Variants in SBNO2 observed in about 807,000 individuals in gnomAD.
SBNO2 encodes strawberry notch homolog 2.
A neutral mutation model predicts 146.3 loss-of-function variants in SBNO2; 89 were observed. The observed-to-expected ratio is 0.61, with a 90% confidence interval of 0.51 to 0.73. The LOEUF (loss-of-function observed/expected upper bound fraction) is 0.73. Ranked by LOEUF, SBNO2 falls within the 30% of genes least tolerant of loss-of-function variation. The pLI, the probability that SBNO2 is intolerant of heterozygous loss-of-function variation, is 0.00. For synonymous variants in SBNO2, 1,147 were observed against 892.6 expected, an observed-to-expected ratio of 1.29 and a Z score of -5.08; for missense variants, 2,092 against 2,003.7, an observed-to-expected ratio of 1.04 and a Z score of -0.84.
intron 1 of SBNO2, among the ~76,000 whole-genome samples, chr19:1,156,104 C>T (rs1244220020): frequency 2.0e-5 from 3 of 152,108 alleles, no homozygotes; most frequent in Admixed American, 2.0e-4. Context: ...TCGGGGTACA[C>T]CATAGCTGAG....
rs981498297 is a variant in SBNO2 at position 1,108,098 on chromosome 19, C to T, written c.*122G>A. ...GGGCCCGGGTCGGGCGCTGAAGGCA[C>T]TGCGGCCAGGGCCTAGGGCTCCTCT... is the stretch of plus-strand genomic sequence containing the variant. On this transcript the variant is annotated 3_prime_UTR_variant, in exon 32 of 32. Transcript: ENST00000361757. The T allele has an allele frequency of 4.8e-5, 55 of 1,155,978 alleles. No homozygotes were observed. The highest frequency in any genetic ancestry group is 6.1e-5 in the Non-Finnish European group (54 of 885,974). 71.6% of individuals were successfully genotyped at this position (1,155,978 alleles called of 1,614,324 possible). A position where few individuals can be genotyped will look rare whatever the true frequency, so the allele number is the denominator to read the frequency against.
intron 4 of SBNO2, among the ~76,000 whole-genome samples, chr19:1,133,365 G>A (rs908280564): frequency 3.9e-5 from 6 of 152,098 alleles, no homozygotes; most frequent in Non-Finnish European, 7.4e-5. Context: ...CGGAGGGCTC[G>A]GGACAGTTCT....
chr19:1,122,608 C>CT, intron 9 of SBNO2, 50 bp from the exon 10 acceptor site: 3 of 1,411,622 alleles, frequency 2.1e-6, no homozygotes, highest in Non-Finnish European at 1.9e-6. Context: ...TCGCCCCCCG[C>CT]TTCCGCCCCC....
chr19:1,139,953 A>C (rs564106454), intron 4 of SBNO2, among the ~76,000 whole-genome samples: 2 of 151,984 alleles, frequency 1.3e-5, no homozygotes, highest in South Asian at 4.2e-4. Context: ...CCATCTCAAA[A>C]CAAAACAAAA....
At position 1,108,100 on chromosome 19, in the gene SBNO2, G is replaced by C; in HGVS notation, c.*120C>G. 8.6e-7 allele frequency: 1 copy of C among 1,162,810 alleles called. No individual in the cohort carries two copies. 72.0% of individuals were successfully genotyped at this position (1,162,810 alleles called of 1,614,324 possible). A position where few individuals can be genotyped will look rare whatever the true frequency, so the allele number is the denominator to read the frequency against. On this transcript the variant is annotated 3_prime_UTR_variant, in exon 32 of 32. Transcript: ENST00000361757. ...GCCCGGGTCGGGCGCTGAAGGCACTGCGGCCAGGGCCTAGGGCTCCTCTGA... is the reference window on the plus strand; with the variant it reads ...GCCCGGGTCGGGCGCTGAAGGCACTCCGGCCAGGGCCTAGGGCTCCTCTGA...
chr19:1,135,837 G>C (rs1432103625), intron 4 of SBNO2, among the ~76,000 whole-genome samples: 1 of 152,132 alleles, frequency 6.6e-6, no homozygotes, highest in African/African-American at 2.4e-5. Flanking sequence ...GGCACAGGTG[G>C]CACTTCCTAG....
rs777465714 is a variant in SBNO2, at chr19:1,116,037, C to G, written c.1869G>C (p.Ala623=). 6.8e-6 allele frequency: 11 copies of G among 1,610,096 alleles called. No homozygotes were observed. The Admixed American group carries it at 1.7e-4, about 24-fold the overall frequency. Residue 623 remains alanine (A), a synonymous_variant, in exon 17 of 32, where the codon GCG becomes GCC. Coordinates refer to ENST00000361757, the MANE Select transcript of SBNO2 (RefSeq NM_014963.3). The stretch of plus-strand genomic sequence containing the variant: ...AGGGCTTACGTTTCCGCTTGCTGCC[C>G]GCTCCTCTGTCCCGCTTTCTCTTGG... ...PSTKRKRDRG[A]GSKRKRRPRG...
In SBNO2 at chr19:1,108,116, G is replaced by A; in HGVS notation, c.*104C>T. ...GAAGGCACTGCGGCCAGGGCCTAGG[G>A]CTCCTCTGAGCAGTGGTCAGGGGAC... On this transcript the variant is annotated 3_prime_UTR_variant, in exon 32 of 32. Transcript: ENST00000361757. 1.6e-6 allele frequency: 2 copies of A among 1,254,590 alleles called. No homozygotes were observed. Among genetic ancestry groups the A allele is most frequent in the Non-Finnish European group, 1.0e-6 (1 of 961,020 alleles). The allele number at this position is 1,254,590 out of a possible 1,614,324, so 77.7% of individuals were successfully genotyped here.
intron 1 of SBNO2, among the ~76,000 whole-genome samples, chr19:1,163,851 G>A (rs938208403): frequency 7.2e-5 from 11 of 152,196 alleles, no homozygotes; most frequent in African/African-American, 2.7e-4. Flanking sequence ...AGTTCTCCCC[G>A]CCCCACGAGG....
At chr19:1,171,566 G>T (rs540967981) in intron 1 of SBNO2, among the ~76,000 whole-genome samples, 4 of 152,180 alleles carry the variant, frequency 2.6e-5, no homozygotes, top group African/African-American at 7.2e-5. Context: ...CTGGGAGGGG[G>T]CCTCTGGGAG....
intron 12 of SBNO2, 99 bp from the exon 13 acceptor site, chr19:1,119,720 G>A (rs2079877284): frequency 8.0e-6 from 9 of 1,127,954 alleles, no homozygotes; most frequent in Non-Finnish European, 1.2e-5. Context: ...GGGCCCTGCG[G>A]GGTTGGAGCC....
In SBNO2 at chr19:1,122,212, C is replaced by A; in HGVS notation, c.1076G>T (p.Ser359Ile). ...FATYSALIGE[S>I]QAGGQHRTRL... The stretch of plus-strand genomic sequence containing the variant: ...AGTGCGGTGCTGGCCGCCGGCCTGG[C>A]TCTCCCCAATCAGGGCGGAGTAGGT... The change falls in exon 11 of 32, where the codon AGC (serine) becomes ATC (isoleucine). Residue 359 changes from serine to isoleucine, a missense_variant. Coordinates refer to ENST00000361757, the MANE Select transcript of SBNO2 (RefSeq NM_014963.3). The A allele has an allele frequency of 1.9e-6, 3 of 1,568,810 alleles. No homozygotes were observed. The highest frequency in any genetic ancestry group is 2.6e-6 in the Non-Finnish European group (3 of 1,158,186).
At chr19:1,120,067 G>A (rs1251757336) in intron 11 of SBNO2, 44 bp from the exon 12 acceptor site, 19 of 1,483,756 alleles carry the variant, frequency 1.3e-5, no homozygotes, top group Admixed American at 4.0e-5. Flanking sequence ...GGACGGGGGC[G>A]ACCCCAGGAG....
intron 1 of SBNO2, among the ~76,000 whole-genome samples, chr19:1,163,766 G>C (rs760736010): frequency 6.6e-6 from 1 of 152,230 alleles, no homozygotes; most frequent in Admixed American, 6.5e-5. Context: ...AGCATGCTGG[G>C]GGACGGCCCC....
chr19:1,134,631 C>T (rs942809271), intron 4 of SBNO2, among the ~76,000 whole-genome samples: 1 of 152,078 alleles, frequency 6.6e-6, no homozygotes, highest in African/African-American at 2.4e-5. Context: ...TTCAGGTTAT[C>T]AGGGGGTGGG....
intron 23 of SBNO2, 85 bp from the exon 24 acceptor site, chr19:1,111,699 C>G (rs2079762731): frequency 3.9e-5 from 38 of 974,658 alleles, no homozygotes; most frequent in Non-Finnish European, 5.5e-5. Flanking sequence ...ACCCCACCCT[C>G]CCCTAGGCCC....
chr19:1,113,816 GGGA>G, intron 18 of SBNO2, 112 bp from the exon 19 acceptor site: 1 of 1,307,782 alleles, frequency 7.6e-7, no homozygotes, highest in Non-Finnish European at 9.9e-7. Flanking sequence ...GCAACCCTGA[GGGA>G]CGGCAGGGTG....
Position 1,112,271 on chromosome 19 carries a change from G to A in SBNO2, c.2546C>T (p.Ala849Val), listed in dbSNP as rs773576513. ...CGAGATGAGGAAGACATACTCTGGC[G>A]CGGAGACCTGGTTGGACCGGTGGGT... ...GRTHRSNQVS[A>V]PEYVFLISEL... Residue 849 changes from alanine (A) to valine (V), a missense_variant, in exon 22 of 32, where the codon GCG (alanine) becomes GTG (valine). Physicochemically the swap from Ala to Val is moderately conservative, Grantham distance 64 (BLOSUM62 0). Transcript: ENST00000361757. This position sits in a 1 kb window ranked among gnomAD's most constrained non-coding sequence, Gnocchi z 5.9. 1.3e-6 allele frequency: 2 copies of A among 1,590,670 alleles called. No homozygotes were observed. Among genetic ancestry groups the A allele is most frequent in the Non-Finnish European group, 1.7e-6 (2 of 1,169,238 alleles).
rs71335343 is a variant in SBNO2, at chr19:1,172,990, ATTT to A, written c.-127+1179_-127+1181del. 3.5e-3 allele frequency among the ~76,000 whole-genome samples: 517 copies of A among 147,172 alleles called. 3 individuals are homozygous for A. Among genetic ancestry groups the A allele is most frequent in the African/African-American group, 7.9e-3 (312 of 39,566 alleles). On this transcript the variant is annotated intron_variant, in intron 1 of 31. Transcript: ENST00000361757. ...GAGGCCCCGGCTACACATTTAAGAG[ATTT>A]TTTTTTTTTTTTTTTAACTTTTCAG...
Sources: allele counts gnomAD v4.1 joint callset (sites outside exome capture counted in the v4.1 genomes callset), GRCh38; gene constraint gnomAD v4.1.1; non-coding constraint Gnocchi (gnomAD v3.1); transcripts MANE v1.5; gene names NCBI Gene and HGNC (gene_info 2026-07-23, HGNC 2026-07-21).